CACNA2D3: variants seen among roughly 807,000 people sequenced by gnomAD.
The protein encoded by CACNA2D3 is voltage-dependent calcium channel subunit alpha-2/delta-3.
CACNA2D3 carries 60 observed loss-of-function variants against 160.6 expected under a neutral mutation model. The observed-to-expected ratio is 0.37, with a 90% confidence interval of 0.30 to 0.46. CACNA2D3 has a LOEUF of 0.46. Ranked by LOEUF, CACNA2D3 falls within the 20% of genes least tolerant of loss-of-function variation. The pLI, the probability that CACNA2D3 is intolerant of heterozygous loss-of-function variation, is 1.00. For synonymous variants in CACNA2D3, 558 were observed against 492.9 expected, an observed-to-expected ratio of 1.13 and a Z score of -1.75; for missense variants, 1,205 against 1,365.0, an observed-to-expected ratio of 0.88 and a Z score of 1.85.
chr3:54,355,060 G>A (rs1239383813), intron 3 of CACNA2D3, among the ~76,000 whole-genome samples: 1 of 152,222 alleles, frequency 6.6e-6, no homozygotes, highest in Non-Finnish European at 1.5e-5. Flanking sequence ...ATGTGTTTGT[G>A]TATGAAAAAT....
intron 5 of CACNA2D3, among the ~76,000 whole-genome samples, chr3:54,514,188 C>T (rs1164012336): frequency 6.6e-6 from 1 of 152,138 alleles, no homozygotes; most frequent in African/African-American, 2.4e-5. Flanking sequence ...ATCAGAATGC[C>T]AATGGGTACC....
At chr3:54,516,304 G>T (rs1701550058) in intron 5 of CACNA2D3, among the ~76,000 whole-genome samples, 1 of 152,192 alleles carries the variant, frequency 6.6e-6, no homozygotes, top group Non-Finnish European at 1.5e-5. Context: ...GCTGCCCCGT[G>T]TGGCAGTGCC....
intron 9 of CACNA2D3, among the ~76,000 whole-genome samples, chr3:54,620,379 T>G (rs951368735): frequency 6.6e-6 from 1 of 152,142 alleles, no homozygotes; most frequent in Non-Finnish European, 1.5e-5. Context: ...GTGAAGTCCA[T>G]TTGAGGATAC....
chr3:54,757,306 T>C (rs913827261), intron 12 of CACNA2D3, among the ~76,000 whole-genome samples: 1 of 152,172 alleles, frequency 6.6e-6, no homozygotes, highest in African/African-American at 2.4e-5. Flanking sequence ...TCTGCTTAGC[T>C]TACCCCTTTT....
intron 9 of CACNA2D3, among the ~76,000 whole-genome samples, chr3:54,623,108 T>TA: frequency 6.6e-6 from 1 of 152,184 alleles, no homozygotes. Context: ...CCACATCAGC[T>TA]AAAACTGGTT....
At chr3:54,869,082 G>A (rs1466462112) in intron 17 of CACNA2D3, among the ~76,000 whole-genome samples, 1 of 152,218 alleles carries the variant, frequency 6.6e-6, no homozygotes, top group Non-Finnish European at 1.5e-5. Flanking sequence ...ACACGGCAGA[G>A]CCACTGTGAC....
At position 54,677,430 on chromosome 3, in the gene CACNA2D3, G is replaced by A. The variant is rs577687572; in HGVS notation, c.1167+35189G>A. ...CTATCATCACCTGGACTTATAAATG[G>A]TACTCTTCAATAAAAAGAACAGGCC... On this transcript the variant is annotated intron_variant, in intron 11 of 37. Coordinates refer to ENST00000474759, the MANE Select transcript of CACNA2D3 (RefSeq NM_018398.3). Among the ~76,000 whole-genome samples the A allele has an allele frequency of 2.6e-5, 4 of 152,156 alleles. No homozygotes were observed. The South Asian group carries it at 8.3e-4, about 32-fold the overall frequency.
At chr3:54,130,436 G>A (rs1699684657) in intron 2 of CACNA2D3, among the ~76,000 whole-genome samples, 1 of 152,158 alleles carries the variant, frequency 6.6e-6, no homozygotes. Flanking sequence ...TATCTTTTCT[G>A]TGTGCATTTC....
At chr3:54,539,467 G>A (rs1464195283) in intron 5 of CACNA2D3, among the ~76,000 whole-genome samples, 1 of 152,156 alleles carries the variant, frequency 6.6e-6, no homozygotes, top group Admixed American at 6.5e-5. Context: ...TGTGTGTGTT[G>A]TATGTGCTAA....
At chr3:54,802,773 C>A (rs1703023085) in intron 13 of CACNA2D3, among the ~76,000 whole-genome samples, 1 of 152,098 alleles carries the variant, frequency 6.6e-6, no homozygotes, top group Non-Finnish European at 1.5e-5. Flanking sequence ...GTCCCTGACC[C>A]CTGACCCCCA....
chr3:54,271,160 G>A (rs80109972), intron 2 of CACNA2D3, among the ~76,000 whole-genome samples: 7,281 of 152,232 alleles, frequency 0.048, 574 homozygotes, highest in African/African-American at 0.17. Flanking sequence ...AGAGCAGTGG[G>A]CACGTTTCCT....
chr3:54,327,174 C>G (rs1392284486), intron 3 of CACNA2D3, among the ~76,000 whole-genome samples: 2 of 152,228 alleles, frequency 1.3e-5, no homozygotes, highest in African/African-American at 4.8e-5. Flanking sequence ...CGCTAACATA[C>G]TTCAGTTTGA....
intron 27 of CACNA2D3, among the ~76,000 whole-genome samples, chr3:54,946,591 C>G: frequency 6.6e-6 from 1 of 152,138 alleles, no homozygotes; most frequent in Admixed American, 6.5e-5. Context: ...AGGTTACTTT[C>G]ACCAAGGCCT....
At chr3:54,770,329 AGTT>A (rs761204163) in intron 13 of CACNA2D3, among the ~76,000 whole-genome samples, 70 of 152,310 alleles carry the variant, frequency 4.6e-4, no homozygotes, top group Admixed American at 1.8e-3. Context: ...ATTCTCAAAC[AGTT>A]GTTGGCCAAA....
intron 2 of CACNA2D3, among the ~76,000 whole-genome samples, chr3:54,219,454 T>C (rs1420754247): frequency 6.6e-6 from 1 of 152,198 alleles, no homozygotes; most frequent in Non-Finnish European, 1.5e-5. Context: ...GAGATGAATG[T>C]GGATGTTTAG....
intron 6 of CACNA2D3, among the ~76,000 whole-genome samples, chr3:54,564,467 A>G (rs1312276332): frequency 1.3e-4 from 20 of 152,190 alleles, no homozygotes; most frequent in African/African-American, 2.4e-5. Context: ...AGGTGTTTCA[A>G]TGCCTTGATA....
chr3:54,290,400 C>T (rs1254121058), intron 2 of CACNA2D3, among the ~76,000 whole-genome samples: 1 of 152,146 alleles, frequency 6.6e-6, no homozygotes, highest in African/African-American at 2.4e-5. Flanking sequence ...ATTAAAAAGT[C>T]AGGAAACAAC....
intron 2 of CACNA2D3, among the ~76,000 whole-genome samples, chr3:54,276,695 G>C (rs767703139): frequency 1.3e-5 from 2 of 152,096 alleles, no homozygotes; most frequent in Non-Finnish European, 2.9e-5. Flanking sequence ...GGGGATGAGA[G>C]GCAGAAACAG....
chr3:54,749,698 C>T (rs1031345170), intron 11 of CACNA2D3, among the ~76,000 whole-genome samples: 1 of 152,178 alleles, frequency 6.6e-6, no homozygotes, highest in African/African-American at 2.4e-5. Context: ...ACCCAGCATC[C>T]TTTGATTATG....
Sources: gnomAD v4.1 joint callset for allele counts (sites outside exome capture counted in the v4.1 genomes callset) on GRCh38, gnomAD v4.1.1 for gene constraint, MANE v1.5 for transcripts, NCBI Gene and HGNC (gene_info 2026-07-23, HGNC 2026-07-21) for gene names.